CFAP299: variants seen among roughly 807,000 people sequenced by gnomAD.
CFAP299 encodes the protein cilia and flagella associated protein 299.
In CFAP299, 21 loss-of-function variants were observed where a neutral mutation model predicts 27.0. The ratio of observed to expected loss-of-function variants is 0.78; its 90% CI spans 0.55 to 1.12. CFAP299 has a LOEUF of 1.12. Ranked by LOEUF, CFAP299 falls within the 50% of genes most tolerant of loss-of-function variation. The probability of loss-of-function intolerance (pLI) is 0.00; values close to 1 mark genes in which losing one functional copy is unlikely to be tolerated. For synonymous variants in CFAP299, 104 were observed against 98.1 expected (o/e 1.06, Z -0.36); for missense variants, 310 against 276.6 (o/e 1.12, Z -0.86).
At chr4:80,492,536 G>C (rs903025036) in intron 2 of CFAP299, among the ~76,000 whole-genome samples, 3 of 152,190 alleles carry the variant, frequency 2.0e-5, no homozygotes, top group African/African-American at 7.2e-5. Context: ...GAAAATATAG[G>C]GACTTGGGAA....
chr4:80,819,743 G>T (rs1729604204), intron 3 of CFAP299, among the ~76,000 whole-genome samples: 1 of 152,066 alleles, frequency 6.6e-6, no homozygotes, highest in Non-Finnish European at 1.5e-5. Flanking sequence ...AAAGCTTTTT[G>T]CTTCAGTAAG....
rs11946890 is a variant in CFAP299 at position 80,708,905 on chromosome 4, C to G, written c.333+125722C>G. On this transcript the variant is annotated intron_variant, in intron 3 of 5. Transcript: ENST00000358105. ...CATTGTTTACAAATGTAAAGAAGAA[C>G]ATATTTAAAGATTAATATAGGGAAC... Among the ~76,000 whole-genome samples, 452 of 152,120 alleles carry G rather than the reference C, an allele frequency of 3.0e-3. 1 individual carries two copies. The highest frequency in any genetic ancestry group is 0.01 in the African/African-American group (434 of 41,520).
At chr4:80,893,490 G>C (rs955583494) in intron 4 of CFAP299, among the ~76,000 whole-genome samples, 1 of 151,784 alleles carries the variant, frequency 6.6e-6, no homozygotes, top group Non-Finnish European at 1.5e-5. Context: ...TTAGTAATCA[G>C]AACAGTATGA....
At chr4:80,569,100 C>T (rs1735454408) in intron 2 of CFAP299, among the ~76,000 whole-genome samples, 1 of 152,076 alleles carries the variant, frequency 6.6e-6, no homozygotes, top group Admixed American at 6.6e-5. Flanking sequence ...GAAGAGCTTC[C>T]TACTCCGTCA....
chr4:80,469,725 G>T (rs898246101), intron 2 of CFAP299, among the ~76,000 whole-genome samples: 35 of 151,970 alleles, frequency 2.3e-4, no homozygotes, highest in African/African-American at 8.5e-4. Flanking sequence ...TTATTAATGA[G>T]AATTATAATT....
intron 3 of CFAP299, among the ~76,000 whole-genome samples, chr4:80,699,176 G>T (rs115127745): frequency 4.6e-5 from 7 of 151,876 alleles, no homozygotes; most frequent in Non-Finnish European, 1.0e-4. Context: ...AATTGATATG[G>T]CCCTTGGCAA....
chr4:80,556,647 G>A (rs895947014), intron 2 of CFAP299, among the ~76,000 whole-genome samples: 1 of 151,836 alleles, frequency 6.6e-6, no homozygotes, highest in Admixed American at 6.6e-5. Context: ...TTTAGTTTGA[G>A]GTCAAAAGAT....
chr4:80,551,754 ATTT>A (rs552293572), intron 2 of CFAP299, among the ~76,000 whole-genome samples: 1 of 143,738 alleles, frequency 7.0e-6, no homozygotes. Context: ...TATATCTATG[ATTT>A]TTTTTTTTTT....
intron 3 of CFAP299, among the ~76,000 whole-genome samples, chr4:80,808,784 A>G (rs560289167): frequency 6.6e-6 from 1 of 152,250 alleles, no homozygotes; most frequent in Admixed American, 6.5e-5. Flanking sequence ...TGAGAGCCAC[A>G]ATTATAGGTT....
intron 3 of CFAP299, among the ~76,000 whole-genome samples, chr4:80,722,838 C>T (rs1722917879): frequency 6.6e-6 from 1 of 150,958 alleles, no homozygotes. Context: ...GGGGCAGAGC[C>T]TGCAGTGAGC....
rs188720904 is a variant in CFAP299, at chr4:80,871,153, G to A, written c.476+1018G>A. On this transcript the variant is annotated intron_variant, in intron 4 of 5. Transcript: ENST00000358105. ...AACTCCTGACCTCAGGTGATCCACC[G>A]GCCTCAGCCTCCCAAAGTGCTGGGA... is the stretch of plus-strand genomic sequence containing the variant. 1.8e-4 allele frequency: 164 copies of A among 906,234 alleles called. No homozygotes were observed. In the East Asian group the frequency reaches 2.3e-3, roughly 12 times the overall value. The allele number at this position is 906,234 out of a possible 1,614,324, so 56.1% of individuals were successfully genotyped here.
chr4:80,845,282 T>TTG (rs1553898814), intron 3 of CFAP299, among the ~76,000 whole-genome samples: 1 of 150,958 alleles, frequency 6.6e-6, no homozygotes, highest in Non-Finnish European at 1.5e-5. Flanking sequence ...CCACACTGTT[T>TTG]TTTTTTTTTT....
chr4:80,548,696 A>G (rs934903813), intron 2 of CFAP299, among the ~76,000 whole-genome samples: 3 of 152,100 alleles, frequency 2.0e-5, no homozygotes, highest in South Asian at 2.1e-4. Flanking sequence ...ATGTGTTTGC[A>G]TGTGTTAGGA....
Position 80,583,158 on chromosome 4 carries a change from A to G in CFAP299, c.308A>G (p.Glu103Gly). 6.2e-7 allele frequency: 1 copy of G among 1,605,910 alleles called. No individual in the cohort carries two copies. Residue 103 changes from glutamate (E) to glycine (G), a missense_variant, in exon 3 of 6, where the codon GAA becomes GGA. Coordinates refer to ENST00000358105, the MANE Select transcript of CFAP299 (RefSeq NM_152770.3). ...CTGACGGCCCTGGCAATGAGAGAAG[A>G]AGACAATCGCAGTGGAAAACTGAGT... ...NFLTALAMRE[E>G]DNRSGKLSSV...
intron 3 of CFAP299, among the ~76,000 whole-genome samples, chr4:80,673,145 T>G (rs533144780): frequency 1.3e-5 from 2 of 152,304 alleles, no homozygotes; most frequent in Admixed American, 1.3e-4. Context: ...TTGTGGGCAT[T>G]TAGTGCTATA....
At chr4:80,520,518 G>A (rs1021988586) in intron 2 of CFAP299, among the ~76,000 whole-genome samples, 1 of 152,056 alleles carries the variant, frequency 6.6e-6, no homozygotes, top group Non-Finnish European at 1.5e-5. Flanking sequence ...CATTTCTAAG[G>A]TGCCATCATT....
At chr4:80,368,522 C>T (rs541045285) in intron 2 of CFAP299, among the ~76,000 whole-genome samples, 6 of 152,046 alleles carry the variant, frequency 3.9e-5, no homozygotes, top group African/African-American at 1.4e-4. Context: ...TTATAAAATA[C>T]TTTTAATTTT....
intron 3 of CFAP299, among the ~76,000 whole-genome samples, chr4:80,802,492 T>C (rs1728663951): frequency 6.6e-6 from 1 of 152,050 alleles, no homozygotes; most frequent in African/African-American, 2.4e-5. Context: ...AGTTCATAAG[T>C]TGTCATCTAC....
At chr4:80,356,799 C>T (rs1723301630) in intron 1 of CFAP299, among the ~76,000 whole-genome samples, 1 of 152,074 alleles carries the variant, frequency 6.6e-6, no homozygotes, top group South Asian at 2.1e-4. Flanking sequence ...AATTTGACTT[C>T]CTCTCTCCCT....
Sources: allele counts gnomAD v4.1 joint callset (sites outside exome capture counted in the v4.1 genomes callset), GRCh38; gene constraint gnomAD v4.1.1; transcripts MANE v1.5; gene names NCBI Gene and HGNC (gene_info 2026-07-23, HGNC 2026-07-21).